SLC35F3: variants seen among roughly 807,000 people sequenced by gnomAD.
SLC35F3 encodes putative thiamine transporter SLC35F3.
In SLC35F3, 25 loss-of-function variants were observed where a neutral mutation model predicts 49.9. That is an observed-to-expected ratio of 0.50 (90% CI 0.37 to 0.70). The LOEUF is 0.70. Ranked by LOEUF, SLC35F3 falls within the 30% of genes least tolerant of loss-of-function variation. SLC35F3 has a pLI of 0.00. For synonymous variants in SLC35F3, 275 were observed against 265.4 expected, an observed-to-expected ratio of 1.04 and a Z score of -0.35; for missense variants, 525 against 639.8, an observed-to-expected ratio of 0.82 and a Z score of 1.94.
At chr1:234,270,525 T>G (rs1668081262) in intron 3 of SLC35F3, among the ~76,000 whole-genome samples, 1 of 152,250 alleles carries the variant, frequency 6.6e-6, no homozygotes, top group Non-Finnish European at 1.5e-5. Context: ...CATGTTGATC[T>G]GTGGCAGAAT....
chr1:234,096,390 C>G (rs921339893), intron 2 of SLC35F3, among the ~76,000 whole-genome samples: 1 of 152,196 alleles, frequency 6.6e-6, no homozygotes, highest in Admixed American at 6.5e-5. Context: ...CGTTAAATAG[C>G]TACACTCTGT....
intron 2 of SLC35F3, among the ~76,000 whole-genome samples, chr1:233,915,289 G>T (rs1456142704): frequency 6.6e-6 from 1 of 152,122 alleles, no homozygotes; most frequent in Non-Finnish European, 1.5e-5. Context: ...TATTCAAAAG[G>T]GTCAGAAGAA....
In SLC35F3 at chr1:234,160,079, A is replaced by G. The variant is rs75962924; in HGVS notation, c.284-71338A>G. Among the ~76,000 whole-genome samples, 230 of 152,314 alleles carry G rather than the reference A, an allele frequency of 1.5e-3. 2 individuals are homozygous for G. The South Asian group carries it at 0.017, about 12-fold the overall frequency. On this transcript the variant is annotated intron_variant, in intron 2 of 7. Transcript: ENST00000366618. The stretch of plus-strand genomic sequence containing the variant: ...ATATCTGTTGATAGGATTTGGATTC[A>G]AGGATAAAGTCCTATATTTCTCCAT...
intron 2 of SLC35F3, among the ~76,000 whole-genome samples, chr1:234,162,401 A>ACC: frequency 6.7e-6 from 1 of 149,388 alleles, no homozygotes; most frequent in Non-Finnish European, 1.5e-5. Context: ...AAAAAAAAAA[A>ACC]AAAAAAAAAG....
In SLC35F3 at chr1:234,324,026, C is replaced by T. The variant is rs1376501919; in HGVS notation, c.*783C>T. The T allele has an allele frequency of 3.3e-5, 5 of 152,266 alleles. No homozygotes were observed. Among genetic ancestry groups the T allele is most frequent in the Admixed American group, 6.5e-5 (1 of 15,286 alleles). The allele number at this position is 152,266 out of a possible 1,614,324, so 9.4% of individuals were successfully genotyped here. On this transcript the variant is annotated 3_prime_UTR_variant, in exon 8 of 8. Coordinates refer to ENST00000366618, the MANE Select transcript of SLC35F3 (RefSeq NM_173508.4). ...AATCTTTAGAAACAAATAAAACTCT[C>T]TATATATGTGTATGTCTGTGTACAA... is the stretch of plus-strand genomic sequence containing the variant.
chr1:233,950,420 G>T (rs969866188), intron 2 of SLC35F3, among the ~76,000 whole-genome samples: 1 of 144,168 alleles, frequency 6.9e-6, no homozygotes, highest in Non-Finnish European at 1.5e-5. Context: ...TGAAAATAAG[G>T]TAGAAAATGG....
chr1:234,006,405 G>C (rs1298079362), intron 2 of SLC35F3, among the ~76,000 whole-genome samples: 1 of 151,946 alleles, frequency 6.6e-6, no homozygotes, highest in Non-Finnish European at 1.5e-5. Flanking sequence ...GCAATCTTTG[G>C]TTACCTGATC....
At chr1:234,086,621 A>T (rs1365532596) in intron 2 of SLC35F3, among the ~76,000 whole-genome samples, 1 of 152,246 alleles carries the variant, frequency 6.6e-6, no homozygotes, top group African/African-American at 2.4e-5. Flanking sequence ...TAATAATTGC[A>T]CACGGGCTGA....
chr1:233,971,066 AG>A (rs1309653708), intron 2 of SLC35F3, among the ~76,000 whole-genome samples: 1 of 152,236 alleles, frequency 6.6e-6, no homozygotes, highest in Non-Finnish European at 1.5e-5. Flanking sequence ...GAGTGTTGAA[AG>A]CCAGGGACTT....
At chr1:234,193,573 C>A (rs2102930331) in intron 2 of SLC35F3, among the ~76,000 whole-genome samples, 1 of 152,238 alleles carries the variant, frequency 6.6e-6, no homozygotes, top group Middle Eastern at 3.4e-3. Context: ...GCAAATGCAA[C>A]AAAAACAAAA....
chr1:234,276,086 A>G (rs139711185), intron 3 of SLC35F3, among the ~76,000 whole-genome samples: 134 of 152,294 alleles, frequency 8.8e-4, no homozygotes, highest in African/African-American at 3.2e-3. Flanking sequence ...GGTAGTTGCT[A>G]TGAGACCTAG....
intron 3 of SLC35F3, among the ~76,000 whole-genome samples, chr1:234,307,228 G>A (rs1197724394): frequency 6.6e-6 from 1 of 152,180 alleles, no homozygotes; most frequent in Non-Finnish European, 1.5e-5. Context: ...GCTATATAAA[G>A]CCAAAATGGA....
At chr1:234,136,504 C>T (rs964057972) in intron 2 of SLC35F3, among the ~76,000 whole-genome samples, 1 of 152,140 alleles carries the variant, frequency 6.6e-6, no homozygotes, top group Non-Finnish European at 1.5e-5. Context: ...TACCACAGCA[C>T]CCAGCTCCCT....
intron 2 of SLC35F3, among the ~76,000 whole-genome samples, chr1:234,181,263 G>C (rs1666551975): frequency 6.6e-6 from 1 of 150,962 alleles, no homozygotes; most frequent in African/African-American, 2.4e-5. Flanking sequence ...TTGAATCCAG[G>C]AGGTGGAGGT....
chr1:234,030,271 C>A (rs1383906893), intron 2 of SLC35F3, among the ~76,000 whole-genome samples: 1 of 152,182 alleles, frequency 6.6e-6, no homozygotes, highest in African/African-American at 2.4e-5. Context: ...TTCCACAGTG[C>A]TGTCTGTGCT....
At chr1:234,313,385 G>A (rs930680736) in intron 4 of SLC35F3, among the ~76,000 whole-genome samples, 4 of 152,236 alleles carry the variant, frequency 2.6e-5, no homozygotes, top group Admixed American at 6.5e-5. Flanking sequence ...GTGGGACTCA[G>A]ATCTAGAGCT....
At chr1:233,940,485 T>C (rs976493702) in intron 2 of SLC35F3, among the ~76,000 whole-genome samples, 27 of 152,154 alleles carry the variant, frequency 1.8e-4, no homozygotes, top group African/African-American at 6.5e-4. Flanking sequence ...AATCCCTGCC[T>C]AACTCTGCGC....
At chr1:233,978,052 A>G (rs1663119238) in intron 2 of SLC35F3, among the ~76,000 whole-genome samples, 2 of 152,202 alleles carry the variant, frequency 1.3e-5, no homozygotes, top group Non-Finnish European at 2.9e-5. Flanking sequence ...TGCATCCAGT[A>G]AAGTATTTCT....
chr1:234,083,492 C>T (rs937971176), intron 2 of SLC35F3, among the ~76,000 whole-genome samples: 1 of 152,194 alleles, frequency 6.6e-6, no homozygotes, highest in African/African-American at 2.4e-5. Flanking sequence ...ATACATCATA[C>T]ACAATCTCTG....
Sources: gnomAD v4.1 joint callset for allele counts (sites outside exome capture counted in the v4.1 genomes callset) on GRCh38, gnomAD v4.1.1 for gene constraint, MANE v1.5 for transcripts, NCBI Gene and HGNC (gene_info 2026-07-23, HGNC 2026-07-21) for gene names.